The following LSP1 variants were observed in gnomAD, a reference collection of about 807,000 sequenced individuals.
LSP1 encodes the protein lymphocyte-specific protein 1.
LSP1 carries 32 observed loss-of-function variants against 49.3 expected under a neutral mutation model. That is an observed-to-expected ratio of 0.65 (90% confidence interval 0.49 to 0.87). LSP1 has a LOEUF of 0.87. LSP1 is among the 40% of genes least tolerant of loss of function. LSP1 has a pLI of 0.00. For synonymous variants in LSP1, 179 were observed against 178.8 expected (o/e 1.00, Z -0.01); for missense variants, 428 against 442.6 (o/e 0.97, Z 0.30).
At chr11:1,864,747 G>C (rs764857080) in intron 1 of LSP1, among the ~76,000 whole-genome samples, 29 of 151,996 alleles carry the variant, frequency 1.9e-4, no homozygotes, top group Non-Finnish European at 3.7e-4. Context: ...TGGGGACACA[G>C]GGACCAGGCT....
At position 1,883,690 on chromosome 11, in the gene LSP1, C is replaced by CT. The variant is rs984132480; in HGVS notation, c.498+132dup. 96 of 1,178,398 alleles carry CT rather than the reference C, an allele frequency of 8.1e-5. 1 individual carries two copies. In the African/African-American group the frequency reaches 1.2e-3, roughly 14 times the overall value. 73.0% of individuals were successfully genotyped at this position (1,178,398 alleles called of 1,614,324 possible). Reference sequence around the variant, plus strand: ...GGGTCAGCACCCCACACCCCTAGACCTTGCAGCCCCTTCTGGGCCCACATT... The same window carrying CT: ...GGGTCAGCACCCCACACCCCTAGACCTTTGCAGCCCCTTCTGGGCCCACATT... On this transcript the variant is annotated intron_variant, in intron 4 of 10. Transcript: ENST00000311604.
At chr11:1,883,182 G>A (rs1271343233) in intron 3 of LSP1, among the ~76,000 whole-genome samples, 3 of 152,240 alleles carry the variant, frequency 2.0e-5, no homozygotes, top group Admixed American at 2.0e-4. Flanking sequence ...TGTCTGGCAG[G>A]GACTGGGCAG....
intron 8 of LSP1, 145 bp downstream of exon 8, chr11:1,887,011 T>G: frequency 8.9e-7 from 1 of 1,117,442 alleles, no homozygotes; most frequent in Non-Finnish European, 1.3e-6. Flanking sequence ...GCAGTAGGGT[T>G]GGGTTCACCC....
At chr11:1,873,813 A>AGAGGAGGGAGGCCG (rs1848150862) in intron 1 of LSP1, among the ~76,000 whole-genome samples, 9 of 101,100 alleles carry the variant, frequency 8.9e-5, no homozygotes, top group Non-Finnish European at 1.4e-4. Context: ...CAGGGAGCCC[A>AGAGGAGGGAGGCCG]GCAGAGGAGG....
rs1190269685 is a variant in LSP1 at position 1,884,119 on chromosome 11, C to G, written c.591+95C>G. On this transcript the variant is annotated intron_variant, in intron 5 of 10. Transcript: ENST00000311604. This position sits in a 1 kb window ranked among gnomAD's most constrained non-coding sequence, Gnocchi z 4.1. Reference sequence around the variant, plus strand: ...ATGCCAGCCACAGGAAGACCAGGCCCAGGCCTGGCTTTTGTCTGCTATCCC... The same window carrying G: ...ATGCCAGCCACAGGAAGACCAGGCCGAGGCCTGGCTTTTGTCTGCTATCCC... 5 of 1,456,812 alleles carry G rather than the reference C, an allele frequency of 3.4e-6. No homozygotes were observed. Among genetic ancestry groups the G allele is most frequent in the Non-Finnish European group, 4.8e-6 (5 of 1,046,758 alleles). The allele number at this position is 1,456,812 out of a possible 1,614,324, so 90.2% of individuals were successfully genotyped here. A position where few individuals can be genotyped will look rare whatever the true frequency, so the allele number is the denominator to read the frequency against.
At chr11:1,877,944 G>A (rs1020260345) in intron 1 of LSP1, among the ~76,000 whole-genome samples, 9 of 152,134 alleles carry the variant, frequency 5.9e-5, no homozygotes, top group Middle Eastern at 3.2e-3. Context: ...CTGAGGAAAC[G>A]TGTGCACACG....
At chr11:1,882,641 C>G (rs1454007577) in intron 3 of LSP1, among the ~76,000 whole-genome samples, 2 of 152,104 alleles carry the variant, frequency 1.3e-5, no homozygotes, top group Non-Finnish European at 2.9e-5. Flanking sequence ...TTGACTCTTC[C>G]GTGGAGCCCA....
At chr11:1,856,062 C>G (rs955805178) in intron 1 of LSP1, among the ~76,000 whole-genome samples, 4 of 152,204 alleles carry the variant, frequency 2.6e-5, no homozygotes. Context: ...GGCCCAGCTG[C>G]CCGGGGGTGC....
chr11:1,856,312 C>T (rs1467178002), intron 1 of LSP1, among the ~76,000 whole-genome samples: 1 of 152,254 alleles, frequency 6.6e-6, no homozygotes, highest in Non-Finnish European at 1.5e-5. Context: ...ATGCCAGGCC[C>T]TCCTGGCCTG....
intron 1 of LSP1, 84 bp from the exon 2 acceptor site, chr11:1,880,003 A>C: frequency 7.3e-6 from 11 of 1,502,848 alleles, no homozygotes; most frequent in South Asian, 1.2e-5. Flanking sequence ...TGGCCCCAGC[A>C]AGGCCTGTGT....
chr11:1,876,150 T>C (rs1198330152), intron 1 of LSP1, among the ~76,000 whole-genome samples: 2 of 152,032 alleles, frequency 1.3e-5, no homozygotes, highest in Non-Finnish European at 2.9e-5. Context: ...GGGAGCGGGG[T>C]TGCTGTCCCA....
intron 1 of LSP1, among the ~76,000 whole-genome samples, chr11:1,869,974 C>T (rs150566834): frequency 9.2e-5 from 14 of 152,250 alleles, no homozygotes; most frequent in Middle Eastern, 3.4e-3. Flanking sequence ...GCCCCAGCCA[C>T]GTCATCAGCT....
intron 1 of LSP1, among the ~76,000 whole-genome samples, chr11:1,858,573 C>T (rs1269498259): frequency 2.0e-5 from 3 of 152,314 alleles, no homozygotes; most frequent in Non-Finnish European, 2.9e-5. Flanking sequence ...TTTCCACATG[C>T]GCTGAGGCAG....
chr11:1,876,725 G>A lies in LSP1; in HGVS notation c.54-3362G>A. The A allele has an allele frequency of 3.7e-6, 3 of 816,494 alleles. No homozygotes were observed. In the South Asian group the frequency reaches 1.7e-4, roughly 45 times the overall value. 50.6% of individuals were successfully genotyped at this position (816,494 alleles called of 1,614,324 possible). On this transcript the variant is annotated intron_variant, in intron 1 of 10. Transcript: ENST00000311604. ...GACTGGGAGGTAGAAGTGGGGGTGG[G>A]GGTTTGTGGAGGAAGGAGAAGAAGG...
At chr11:1,869,310 G>T (rs1321608355) in intron 1 of LSP1, 3 of 291,532 alleles carry the variant, frequency 1.0e-5, no homozygotes, top group Middle Eastern at 1.3e-3. Flanking sequence ...AGGGTCTCTT[G>T]ACGAGAACAA....
Position 1,880,091 on chromosome 11 carries a change from A to T in LSP1, c.58A>T (p.Thr20Ser). The T allele has an allele frequency of 6.2e-7, 1 of 1,608,762 alleles. No individual in the cohort carries two copies. The highest frequency in any genetic ancestry group is 1.7e-5 in the Admixed American group (1 of 59,294). ...AEEREELLGP[T>S]AQWSVEDEEE... Reference sequence around the variant, plus strand: ...TCCCTCTGTGTCCCCCACTAGGCCCACTGCTCAGTGGAGCGTGGAGGACGA... The same window carrying T: ...TCCCTCTGTGTCCCCCACTAGGCCCTCTGCTCAGTGGAGCGTGGAGGACGA... Residue 20 changes from threonine (T) to serine (S), a missense_variant, in exon 2 of 11, where the codon ACT becomes TCT. Thr to Ser is a moderately conservative substitution (Grantham distance 58, BLOSUM62 1). Coordinates refer to ENST00000311604, the MANE Select transcript of LSP1 (RefSeq NM_002339.3).
chr11:1,887,049 G>T (rs919843820), intron 8 of LSP1, among the ~76,000 whole-genome samples, 183 bp downstream of exon 8: 5 of 152,228 alleles, frequency 3.3e-5, no homozygotes, highest in Non-Finnish European at 5.9e-5. Flanking sequence ...TGTGTTGTCC[G>T]AGTGGAGGTA....
At chr11:1,858,680 A>C (rs1476864969) in intron 1 of LSP1, among the ~76,000 whole-genome samples, 1 of 152,172 alleles carries the variant, frequency 6.6e-6, no homozygotes, top group African/African-American at 2.4e-5. Flanking sequence ...GCAGCCCAGC[A>C]GGGCCCCTTC....
intron 3 of LSP1, among the ~76,000 whole-genome samples, chr11:1,883,187 G>A (rs1848618825): frequency 6.6e-6 from 1 of 152,248 alleles, no homozygotes; most frequent in South Asian, 2.1e-4. Flanking sequence ...GGCAGGGACT[G>A]GGCAGTTCCC....
Sources: gnomAD v4.1 joint callset for allele counts (sites outside exome capture counted in the v4.1 genomes callset) on GRCh38, gnomAD v4.1.1 for gene constraint, Gnocchi (gnomAD v3.1) non-coding constraint, MANE v1.5 for transcripts, NCBI Gene and HGNC (gene_info 2026-07-23, HGNC 2026-07-21) for gene names.